Variants in RAPGEF6 observed in about 807,000 individuals in gnomAD.
RAPGEF6 encodes the protein Rap guanine nucleotide exchange factor 6.
In RAPGEF6, 56 loss-of-function variants were observed where a neutral mutation model predicts 171.4. That is an observed-to-expected ratio of 0.33 (90% CI 0.26 to 0.41). The LOEUF (loss-of-function observed/expected upper bound fraction) is 0.41, where lower values mean the gene tolerates loss of function less well. RAPGEF6 is among the 10% of genes least tolerant of loss of function. RAPGEF6 has a pLI of 1.00. For synonymous variants in RAPGEF6, 692 were observed against 650.1 expected (o/e 1.06, Z -0.98); for missense variants, 1,674 against 1,921.4 (o/e 0.87, Z 2.41).
At chr5:131,551,786 G>C (rs1471734461) in intron 5 of RAPGEF6, among the ~76,000 whole-genome samples, 1 of 152,090 alleles carries the variant, frequency 6.6e-6, no homozygotes, top group African/African-American at 2.4e-5. Flanking sequence ...AAAATCTTGG[G>C]AAAAGTACCA....
intron 1 of RAPGEF6, among the ~76,000 whole-genome samples, chr5:131,611,699 G>C (rs185951594): frequency 6.6e-6 from 1 of 152,268 alleles, no homozygotes; most frequent in African/African-American, 2.4e-5. Context: ...TAAACTAGAG[G>C]CTTTTTGGTT....
In RAPGEF6 at chr5:131,495,602, G is replaced by C; in HGVS notation, c.1478C>G (p.Pro493Arg). 1.2e-6 allele frequency: 2 copies of C among 1,613,658 alleles called. No individual in the cohort carries two copies. The highest frequency in any genetic ancestry group is 1.7e-6 in the Non-Finnish European group (2 of 1,179,820). Residue 493 changes from proline (P) to arginine (R), a missense_variant, in exon 13 of 28, where the codon CCT (proline) becomes CGT (arginine). Pro to Arg is a moderately radical substitution (Grantham distance 103). Transcript: ENST00000509018. ...TTCCTCTAGAAATCGAGTCATAGCA[G>C]GGTCACCTTCAAAATCATTAAAATG... is the stretch of plus-strand genomic sequence containing the variant. Reference protein sequence around the residue: ...NNHFNDFEGDPAMTRFLEEFE... With the variant: ...NNHFNDFEGDRAMTRFLEEFE...
At chr5:131,463,276 C>T (rs1754065835) in intron 18 of RAPGEF6, among the ~76,000 whole-genome samples, 1 of 151,968 alleles carries the variant, frequency 6.6e-6, no homozygotes, top group Non-Finnish European at 1.5e-5. Context: ...ACTGGGTTAC[C>T]AAAAAGATTA....
chr5:131,427,910 C>A (rs911723873), intron 27 of RAPGEF6, among the ~76,000 whole-genome samples: 3 of 152,110 alleles, frequency 2.0e-5, no homozygotes, highest in African/African-American at 7.2e-5. Flanking sequence ...GAGTTCAAGA[C>A]CAGCCTGGGC....
rs1300086919 is a variant in RAPGEF6, at chr5:131,504,725, T to C, written c.1155A>G (p.Lys385=). ...DYWRILNHVE[K]NTHKVEEEGE... is the part of the protein sequence containing the mutation. ...CCTCTTCCTCAACTTTATGGGTATTTTTTTCCACATGGTTTAAAATTCTCC... is the reference window on the plus strand; with the variant it reads ...CCTCTTCCTCAACTTTATGGGTATTCTTTTCCACATGGTTTAAAATTCTCC... Residue 385 remains lysine, a synonymous_variant, in exon 11 of 28, where the codon AAA becomes AAG. Transcript: ENST00000509018. The C allele has an allele frequency of 6.2e-7, 1 of 1,614,002 alleles. No individual in the cohort carries two copies. The highest frequency in any genetic ancestry group is 1.1e-5 in the South Asian group (1 of 91,064).
intron 5 of RAPGEF6, among the ~76,000 whole-genome samples, chr5:131,555,580 T>A (rs1215562232): frequency 1.3e-5 from 2 of 151,966 alleles, no homozygotes; most frequent in Non-Finnish European, 2.9e-5. Flanking sequence ...ATTATAAATT[T>A]CAATTATTTC....
At chr5:131,631,758 G>A (rs1262429230) in intron 1 of RAPGEF6, among the ~76,000 whole-genome samples, 4 of 152,132 alleles carry the variant, frequency 2.6e-5, no homozygotes, top group Non-Finnish European at 5.9e-5. Context: ...ACCAGACTGG[G>A]CAATATAGTG....
At chr5:131,530,649 G>GT (rs1266926660) in intron 6 of RAPGEF6, among the ~76,000 whole-genome samples, 3 of 152,202 alleles carry the variant, frequency 2.0e-5, no homozygotes, top group Non-Finnish European at 4.4e-5. Context: ...GATTTACACA[G>GT]TAGAGTACCA....
rs553331162 is a variant in RAPGEF6 at position 131,593,927 on chromosome 5, T to A, written c.198-1461A>T. 1.2e-4 allele frequency among the ~76,000 whole-genome samples: 18 copies of A among 152,372 alleles called. No homozygotes were observed. In the South Asian group the frequency reaches 3.7e-3, roughly 32 times the overall value. On this transcript the variant is annotated intron_variant, in intron 3 of 27. Transcript: ENST00000509018. ...AAAGTTTAGAAAATTTGCAGCCTGA[T>A]AATGTGGTAGAAAAGAAAACCCCAT... is the stretch of plus-strand genomic sequence containing the variant.
chr5:131,602,526 C>T (rs375853644), intron 3 of RAPGEF6, among the ~76,000 whole-genome samples: 7 of 152,148 alleles, frequency 4.6e-5, no homozygotes, highest in African/African-American at 1.7e-4. Flanking sequence ...TTTGGGAGGC[C>T]GAGGCAGGTG....
chr5:131,560,394 T>C (rs1309769640), intron 5 of RAPGEF6, among the ~76,000 whole-genome samples: 2 of 152,234 alleles, frequency 1.3e-5, no homozygotes, highest in African/African-American at 4.8e-5. Flanking sequence ...TGATTTCTCC[T>C]TTTCTTCCTC....
Position 131,429,126 on chromosome 5 carries a change from A to G in RAPGEF6, c.4556T>C (p.Leu1519Pro), listed in dbSNP as rs1427284987. ...TAGGTGTGTGTGGGGTCCTTCCTTT[A>G]GGTCCGCTAAAGAAATCCCCAAATA... ...PGYLGISLAD[L>P]KEGPHTHLKP... The change falls in exon 27 of 28, where the codon CTA (leucine) becomes CCA (proline). Residue 1519 changes from leucine (L) to proline (P), a missense_variant. By Grantham distance (98) the Leu-to-Pro change is moderately conservative (BLOSUM62 -3). Coordinates refer to ENST00000509018, the MANE Select transcript of RAPGEF6 (RefSeq NM_016340.6). 6.2e-7 allele frequency: 1 copy of G among 1,613,962 alleles called. No homozygotes were observed. Among genetic ancestry groups the G allele is most frequent in the African/African-American group, 1.3e-5 (1 of 74,928 alleles).
intron 21 of RAPGEF6, among the ~76,000 whole-genome samples, chr5:131,452,008 G>A (rs1580843989): frequency 6.6e-6 from 1 of 152,052 alleles, no homozygotes. Context: ...CGAGGCGGGC[G>A]GATCACGAGG....
Position 131,479,695 on chromosome 5 carries a change from G to C in RAPGEF6, c.1899C>G (p.Pro633=). Residue 633 remains proline, a synonymous_variant, in exon 16 of 28, where the codon CCC becomes CCG. Coordinates refer to ENST00000509018, the MANE Select transcript of RAPGEF6 (RefSeq NM_016340.6). ...GATTACTTTTTTTTTCAGCAATTTT[G>C]GGAATATGAGGAACACCAGATTTCT... The part of the protein sequence containing the change: ...EQEKSGVPHI[P]KIAEKKSNRH... 6.2e-7 allele frequency: 1 copy of C among 1,613,540 alleles called. No homozygotes were observed. The highest frequency in any genetic ancestry group is 8.5e-7 in the Non-Finnish European group (1 of 1,179,848).
chr5:131,511,481 C>CTTTTTTTTTTTTTTTTTT (rs55782171), intron 7 of RAPGEF6, among the ~76,000 whole-genome samples: 2 of 137,326 alleles, frequency 1.5e-5, no homozygotes, highest in Non-Finnish European at 1.5e-5. Context: ...AAAAGATCAT[C>CTTTTTTTTTTTTTTTTTT]TTTTTTTTTT....
chr5:131,623,229 T>C (rs1765697202), intron 1 of RAPGEF6, among the ~76,000 whole-genome samples: 1 of 152,228 alleles, frequency 6.6e-6, no homozygotes, highest in Admixed American at 6.5e-5. Context: ...GCAAATGTGT[T>C]TTGAAGCCAT....
chr5:131,558,330 A>T (rs1761372636), intron 5 of RAPGEF6, among the ~76,000 whole-genome samples: 1 of 151,624 alleles, frequency 6.6e-6, no homozygotes, highest in Non-Finnish European at 1.5e-5. Context: ...AGATCGTAGT[A>T]GTGAATCCTT....
At chr5:131,454,277 T>G (rs183982524) in intron 20 of RAPGEF6, among the ~76,000 whole-genome samples, 1 of 152,330 alleles carries the variant, frequency 6.6e-6, no homozygotes, top group East Asian at 1.9e-4. Context: ...ATTTTGGAAT[T>G]CTAGCACCCC....
At chr5:131,446,409 G>A in intron 22 of RAPGEF6, 74 bp downstream of exon 22, 2 of 1,358,778 alleles carry the variant, frequency 1.5e-6, no homozygotes, top group South Asian at 1.4e-5. Context: ...TTGGGACTTA[G>A]GTATAATTCT....
Sources: allele counts gnomAD v4.1 joint callset (sites outside exome capture counted in the v4.1 genomes callset), GRCh38; gene constraint gnomAD v4.1.1; transcripts MANE v1.5; gene names NCBI Gene and HGNC (gene_info 2026-07-23, HGNC 2026-07-21).